COL6A5: variants seen among roughly 807,000 people sequenced by gnomAD.
COL6A5 encodes collagen alpha-5(VI) chain.
A neutral mutation model predicts 65.6 loss-of-function variants in COL6A5; 48 were observed. That is an observed-to-expected ratio of 0.73 (90% CI 0.58 to 0.93). The LOEUF (loss-of-function observed/expected upper bound fraction) is 0.93. Ranked by LOEUF, COL6A5 falls within the 40% of genes least tolerant of loss-of-function variation. The pLI, the probability that COL6A5 is intolerant of heterozygous loss-of-function variation, is 0.00. For synonymous variants in COL6A5, 291 were observed against 322.8 expected (o/e 0.90, Z 1.05); for missense variants, 914 against 928.3 (o/e 0.98, Z 0.20).
At chr3:130,465,834 G>T (rs1486658383) in intron 5 of COL6A5, among the ~76,000 whole-genome samples, 2 of 151,934 alleles carry the variant, frequency 1.3e-5, no homozygotes, top group East Asian at 3.9e-4. Flanking sequence ...AAAGTTAAGT[G>T]GAAACATGAA....
intron 4 of COL6A5, among the ~76,000 whole-genome samples, chr3:130,381,053 C>G (rs1935977934): frequency 6.6e-6 from 1 of 152,128 alleles, no homozygotes; most frequent in Admixed American, 6.6e-5. Flanking sequence ...GGCCTCTTCA[C>G]CTTTTCTTCA....
Position 130,440,580 on chromosome 3 carries a change from T to A in COL6A5, c.998T>A (p.Val333Asp). Residue 333 changes from valine to aspartate, a missense_variant, in exon 3 of 8, where the codon GTC becomes GAC. Transcript: ENST00000512836. ...ACACCCTATCTAAGAAAACACAAGG[T>A]CATCTTTGTGGTCTCAGCTGGAGAA... 6.2e-7 allele frequency: 1 copy of A among 1,613,546 alleles called. No individual in the cohort carries two copies. Among genetic ancestry groups the A allele is most frequent in the Non-Finnish European group, 8.5e-7 (1 of 1,179,710 alleles).
At chr3:130,363,322 A>T (rs1935209877) in intron 1 of COL6A5, among the ~76,000 whole-genome samples, 1 of 152,214 alleles carries the variant, frequency 6.6e-6, no homozygotes, top group African/African-American at 2.4e-5. Context: ...TGTAAATAGG[A>T]CTTTAATGAT....
At chr3:130,415,323 C>G (rs1276184394) in intron 22 of COL6A5, among the ~76,000 whole-genome samples, 4 of 152,130 alleles carry the variant, frequency 2.6e-5, no homozygotes, top group Non-Finnish European at 5.9e-5. Context: ...TAACCCGTCC[C>G]TTTAAAGGAA....
chr3:130,483,350 G>C (rs1446583433), intron 7 of COL6A5, among the ~76,000 whole-genome samples: 1 of 152,174 alleles, frequency 6.6e-6, no homozygotes, highest in African/African-American at 2.4e-5. Context: ...GCATCATAAT[G>C]ACAGGATCAA....
At chr3:130,432,443 C>T (rs990757551) in intron 1 of COL6A5, among the ~76,000 whole-genome samples, 1 of 151,528 alleles carries the variant, frequency 6.6e-6, no homozygotes, top group African/African-American at 2.4e-5. Flanking sequence ...CCCAGCTACT[C>T]AGGAGGCTGA....
chr3:130,413,592 T>G lies in COL6A5; in HGVS notation c.4698+12T>G. ...TCCGAGGTGTCTCAGTAAGTAACCT[T>G]GACTTCCTGTTCTCTGTGGTTGATG... On this transcript the variant is annotated intron_variant and NMD_transcript_variant, in intron 21 of 41. Coordinates refer to the COL6A5 transcript ENST00000312481. 1 of 1,548,136 alleles carries G rather than the reference T, an allele frequency of 6.5e-7. No individual in the cohort carries two copies. Among genetic ancestry groups the G allele is most frequent in the Non-Finnish European group, 8.7e-7 (1 of 1,144,108 alleles).
chr3:130,472,832 C>CATATAGATATATATATAT (rs1553760930), intron 7 of COL6A5, among the ~76,000 whole-genome samples: 1 of 99,404 alleles, frequency 1.0e-5, no homozygotes, highest in African/African-American at 3.9e-5. Flanking sequence ...TGTGTGTATA[C>CATATAGATATATATATAT]ATATATATAT....
chr3:130,444,158 C>T (rs530931923), intron 4 of COL6A5, among the ~76,000 whole-genome samples: 28 of 152,270 alleles, frequency 1.8e-4, no homozygotes, highest in Non-Finnish European at 2.9e-4. Context: ...TTTAAGGTTA[C>T]CTGTCTTGTT....
intron 1 of COL6A5, among the ~76,000 whole-genome samples, chr3:130,432,288 C>A (rs879320151): frequency 6.6e-6 from 1 of 152,124 alleles, no homozygotes; most frequent in Non-Finnish European, 1.5e-5. Context: ...GGCGCGGTGG[C>A]TCATGCCTGT....
chr3:130,431,402 G>A (rs1046305048), upstream of COL6A5: 1 of 1,527,686 alleles, frequency 6.5e-7, no homozygotes, highest in Non-Finnish European at 8.8e-7. Flanking sequence ...TTGGAGTAAA[G>A]AGTTGGGGAA....
chr3:130,462,341 G>A (rs1400241932), intron 5 of COL6A5, among the ~76,000 whole-genome samples: 3 of 152,122 alleles, frequency 2.0e-5, no homozygotes, highest in Non-Finnish European at 4.4e-5. Flanking sequence ...ACAACAGAAT[G>A]AGAGTTCTCG....
At chr3:130,410,383 A>G (rs1358949110) in intron 19 of COL6A5, 88 bp from the exon 20 acceptor site, 2 of 921,188 alleles carry the variant, frequency 2.2e-6, no homozygotes, top group Non-Finnish European at 3.4e-6. Context: ...CTGCCATTTT[A>G]ATAGTGCTTG....
chr3:130,379,471 G>T, exon 4 of COL6A5: 1 of 1,551,270 alleles, frequency 6.4e-7, no homozygotes, highest in Non-Finnish European at 8.7e-7. Context: ...CGTGTTCCTG[G>T]TGGATGAGTC....
At chr3:130,385,265 G>T (rs373541410) in exon 5 of COL6A5, 147 of 1,550,936 alleles carry the variant, frequency 9.5e-5, no homozygotes, top group African/African-American at 8.6e-4. Flanking sequence ...AGAACTGCAA[G>T]AAATTGCTGG....
At chr3:130,426,475 G>T, upstream of COL6A5, 2 of 1,436,242 alleles carry the variant, frequency 1.4e-6, no homozygotes, top group South Asian at 2.5e-5. Flanking sequence ...TGCAGTGTGG[G>T]TATGTGAGAT....
chr3:130,412,772 T>C (rs1056157054), intron 20 of COL6A5, among the ~76,000 whole-genome samples: 1 of 152,114 alleles, frequency 6.6e-6, no homozygotes, highest in Non-Finnish European at 1.5e-5. Context: ...TTGTAAGCAA[T>C]AGCCAACCTG....
At chr3:130,458,529 T>C (rs1046067456) in intron 5 of COL6A5, among the ~76,000 whole-genome samples, 1 of 152,124 alleles carries the variant, frequency 6.6e-6, no homozygotes, top group African/African-American at 2.4e-5. Context: ...ATCTGGGTTT[T>C]AACAAGCAGC....
intron 1 of COL6A5, among the ~76,000 whole-genome samples, chr3:130,366,360 G>A (rs17737623): frequency 0.065 from 9,950 of 152,274 alleles, 442 homozygotes; most frequent in Middle Eastern, 0.13. Flanking sequence ...CAATGCTCTT[G>A]CAAGAAGGGT....
Sources: gnomAD v4.1 joint callset for allele counts (sites outside exome capture counted in the v4.1 genomes callset) on GRCh38, gnomAD v4.1.1 for gene constraint, MANE v1.5 for transcripts, NCBI Gene and HGNC (gene_info 2026-07-23, HGNC 2026-07-21) for gene names.